The following ZNG1A variants were observed in gnomAD, a reference collection of about 807,000 sequenced individuals.
ZNG1A encodes the protein zinc-regulated GTPase metalloprotein activator 1A.
At chr9:177,681 C>G in the ZNG1A span, 2 of 1,274,040 alleles carry the variant, frequency 1.6e-6, no homozygotes, top group Non-Finnish European at 2.2e-6. Context: ...AATTCTCACT[C>G]CTGAGCTTCA....
the ZNG1A span, among the ~76,000 whole-genome samples, chr9:161,191 G>A: frequency 4.6e-5 from 7 of 152,164 alleles, no homozygotes; most frequent in African/African-American, 7.2e-5. Context: ...AGTTCAGGCC[G>A]GGCGTGGTGG....
the ZNG1A span, among the ~76,000 whole-genome samples, chr9:177,165 C>A: frequency 6.6e-6 from 1 of 152,116 alleles, no homozygotes; most frequent in Non-Finnish European, 1.5e-5. Context: ...GTTCATTGTG[C>A]GGGGCCAATT....
chr9:149,167 A>G, the ZNG1A span: 1 of 151,442 alleles, frequency 6.6e-6, no homozygotes, highest in East Asian at 1.9e-4. Flanking sequence ...TGTATTTCCT[A>G]TACCTCGGAG....
the ZNG1A span, among the ~76,000 whole-genome samples, chr9:130,314 T>TA: frequency 2.9e-5 from 4 of 135,886 alleles, no homozygotes; most frequent in Admixed American, 7.5e-5. Flanking sequence ...AACTGTCAGT[T>TA]AAAAAAAAAT....
At chr9:137,617 T>C in the ZNG1A span, among the ~76,000 whole-genome samples, 2 of 150,612 alleles carry the variant, frequency 1.3e-5, no homozygotes, top group Admixed American at 6.6e-5. Flanking sequence ...AGAGAAAAGT[T>C]AGGATGGGCT....
chr9:139,529 C>A, the ZNG1A span, among the ~76,000 whole-genome samples: 2 of 149,016 alleles, frequency 1.3e-5, no homozygotes. Context: ...GTTCTTACTA[C>A]AATAAAAAAA....
At chr9:177,598 G>C in the ZNG1A span, 114 of 1,524,970 alleles carry the variant, frequency 7.5e-5, no homozygotes, top group Middle Eastern at 7.0e-4. Context: ...AAAGAACAGC[G>C]TTTCAAAAAG....
the ZNG1A span, chr9:134,855 CA>C: frequency 1.5e-6 from 1 of 678,432 alleles, no homozygotes. Flanking sequence ...ATTATCAACA[CA>C]GTTCAAAAAT....
chr9:145,349 C>G, the ZNG1A span, among the ~76,000 whole-genome samples: 3 of 150,070 alleles, frequency 2.0e-5, no homozygotes, highest in South Asian at 6.4e-4. Context: ...ACATATACAC[C>G]ATGGAATACT....
chr9:173,936 A>G, the ZNG1A span, among the ~76,000 whole-genome samples: 1 of 152,158 alleles, frequency 6.6e-6, no homozygotes, highest in East Asian at 1.9e-4. Flanking sequence ...TCACGAGGTC[A>G]GGAGACCGAG....
At chr9:138,474 T>C in the ZNG1A span, among the ~76,000 whole-genome samples, 3 of 142,362 alleles carry the variant, frequency 2.1e-5, no homozygotes, top group African/African-American at 8.1e-5. Flanking sequence ...AACACTATCA[T>C]GTCCTACCTC....
chr9:178,567 A>C, the ZNG1A span, among the ~76,000 whole-genome samples: 3 of 110,406 alleles, frequency 2.7e-5, 1 homozygote, highest in African/African-American at 8.2e-5. Flanking sequence ...CTTAGCGTCA[A>C]AGCCTTGCTT....
At chr9:128,435 C>A in the ZNG1A span, among the ~76,000 whole-genome samples, 1 of 151,756 alleles carries the variant, frequency 6.6e-6, no homozygotes, top group Non-Finnish European at 1.5e-5. Context: ...TGTCTTCAGG[C>A]TCTGAATTTC....
the ZNG1A span, among the ~76,000 whole-genome samples, chr9:143,175 T>C: frequency 6.7e-6 from 1 of 149,336 alleles, no homozygotes; most frequent in African/African-American, 2.5e-5. Context: ...AAAGAGGGAA[T>C]ACTCCCTAAC....
At chr9:145,716 TA>T in the ZNG1A span, among the ~76,000 whole-genome samples, 3 of 150,168 alleles carry the variant, frequency 2.0e-5, no homozygotes, top group African/African-American at 4.9e-5. Flanking sequence ...AAATAAATTT[TA>T]AAAAAAACTC....
chr9:143,099 G>A, the ZNG1A span, among the ~76,000 whole-genome samples: 7 of 143,160 alleles, frequency 4.9e-5, no homozygotes, highest in Non-Finnish European at 1.1e-4. Context: ...ATTCACAGCT[G>A]AATTCTACCA....
the ZNG1A span, chr9:121,383 A>G: frequency 8.2e-6 from 7 of 848,502 alleles, no homozygotes; most frequent in South Asian, 1.0e-4. Context: ...ATTCGTAACT[A>G]AAGTAATAAA....
the ZNG1A span, among the ~76,000 whole-genome samples, chr9:139,808 C>T: frequency 6.6e-6 from 1 of 151,612 alleles, no homozygotes; most frequent in East Asian, 2.0e-4. Flanking sequence ...GGTGCGTGCA[C>T]CATCCGCGAG....
At chr9:170,471 C>T in the ZNG1A span, among the ~76,000 whole-genome samples, 4 of 150,702 alleles carry the variant, frequency 2.7e-5, no homozygotes, top group Non-Finnish European at 4.4e-5. Flanking sequence ...CCGCAACCTC[C>T]GCCTCCCAGC....
Sources: allele counts gnomAD v4.1 joint callset (sites outside exome capture counted in the v4.1 genomes callset), GRCh38; gene constraint gnomAD v4.1.1; transcripts MANE v1.5; gene names NCBI Gene and HGNC (gene_info 2026-07-23, HGNC 2026-07-21).